Variants in ARFGEF2 observed in about 807,000 individuals in gnomAD.
ARFGEF2 encodes the protein ARF guanine nucleotide exchange factor 2, also known as brefeldin A-inhibited guanine nucleotide-exchange protein 2.
In ARFGEF2, 74 loss-of-function variants were observed where a neutral mutation model predicts 219.9. The ratio of observed to expected loss-of-function variants is 0.34; its 90% CI spans 0.28 to 0.41. ARFGEF2 has a LOEUF of 0.41. ARFGEF2 is among the 10% of genes least tolerant of loss of function. The pLI, the probability that ARFGEF2 is intolerant of heterozygous loss-of-function variation, is 1.00. For synonymous variants in ARFGEF2, 733 were observed against 799.2 expected (o/e 0.92, Z 1.40); for missense variants, 1,743 against 2,218.3 (o/e 0.79, Z 4.30).
intron 27 of ARFGEF2, 120 bp from the exon 28 acceptor site, chr20:49,011,795 TTTTCTTAGA>T: frequency 3.5e-6 from 4 of 1,142,518 alleles, no homozygotes; most frequent in Non-Finnish European, 5.3e-6. Flanking sequence ...ACTGACATGC[TTTTCTTAGA>T]TTTTCACAGT....
At chr20:49,032,226 T>TTG in intron 38 of ARFGEF2, 60 bp downstream of exon 38, 8 of 1,214,266 alleles carry the variant, frequency 6.6e-6, no homozygotes, top group Non-Finnish European at 9.8e-6. Context: ...GTTGGCTTTT[T>TTG]ACTCAAGAGT....
chr20:48,941,140 GT>G lies in ARFGEF2; in HGVS notation c.122-55del, dbSNP rs1439672303. On this transcript the variant is annotated intron_variant, in intron 1 of 38. Transcript: ENST00000371917. The stretch of plus-strand genomic sequence containing the variant: ...TGGTCTCCAAATATCTTTTAGTAAA[GT>G]TTTCCTTTACATAAATGTTGCATTT... 3.3e-6 allele frequency: 5 copies of G among 1,515,738 alleles called. No homozygotes were observed. The East Asian group carries it at 6.9e-5, about 21-fold the overall frequency. The allele number at this position is 1,515,738 out of a possible 1,614,324, so 93.9% of individuals were successfully genotyped here. A position where few individuals can be genotyped will look rare whatever the true frequency, so the allele number is the denominator to read the frequency against.
At chr20:48,957,478 T>C (rs532439982) in intron 6 of ARFGEF2, among the ~76,000 whole-genome samples, 9 of 152,206 alleles carry the variant, frequency 5.9e-5, no homozygotes, top group Non-Finnish European at 1.3e-4. Context: ...GGGCAGAGTC[T>C]GAAACAGATA....
At chr20:49,025,265 C>T (rs756866672) in intron 35 of ARFGEF2, 48 bp from the exon 36 acceptor site, 41 of 1,572,246 alleles carry the variant, frequency 2.6e-5, no homozygotes, top group Non-Finnish European at 3.3e-5. Context: ...ATGCCCAGAG[C>T]ATTCCATCTT....
chr20:48,988,291 T>C lies in ARFGEF2; in HGVS notation c.2277-13T>C. 1 of 1,610,114 alleles carries C rather than the reference T, an allele frequency of 6.2e-7. No homozygotes were observed. The highest frequency in any genetic ancestry group is 8.5e-7 in the Non-Finnish European group (1 of 1,177,342). On this transcript the variant is annotated splice_polypyrimidine_tract_variant and intron_variant, in intron 16 of 38. Transcript: ENST00000371917. ...TCACCATGAATATTGATGTCTCGAATTTTTTTCTCCAGGCAAACTCTGTTT... is the reference window on the plus strand; with the variant it reads ...TCACCATGAATATTGATGTCTCGAACTTTTTTCTCCAGGCAAACTCTGTTT...
intron 37 of ARFGEF2, among the ~76,000 whole-genome samples, chr20:49,030,121 G>A (rs1415598891): frequency 6.6e-6 from 1 of 151,196 alleles, no homozygotes; most frequent in Non-Finnish European, 1.5e-5. Flanking sequence ...TATTGGCCAG[G>A]ATGGTCTTGA....
rs1038252318 is a variant in ARFGEF2, at chr20:48,971,207, G to A, written c.1278G>A (p.Glu426=). The change falls in exon 10 of 39, where the codon GAG becomes GAA. Residue 426 remains glutamate, a synonymous_variant. Transcript: ENST00000371917. ...CTGGCCCCGTATTCAGGACTCACGA[G>A]ATGTTCATCAATGCAATCAAGCAAT... ...QNAGPVFRTH[E]MFINAIKQYL... 4.3e-6 allele frequency: 7 copies of A among 1,614,140 alleles called. No individual in the cohort carries two copies. Among genetic ancestry groups the A allele is most frequent in the Non-Finnish European group, 1.7e-6 (2 of 1,180,028 alleles).
intron 1 of ARFGEF2, among the ~76,000 whole-genome samples, chr20:48,932,573 G>T (rs1350672824): frequency 2.0e-5 from 3 of 152,174 alleles, no homozygotes; most frequent in Non-Finnish European, 2.9e-5. Context: ...AAGACTAAAG[G>T]TCAGAGAGAG....
At chr20:48,971,898 C>A (rs552391187) in intron 10 of ARFGEF2, among the ~76,000 whole-genome samples, 3 of 151,176 alleles carry the variant, frequency 2.0e-5, no homozygotes, top group African/African-American at 7.3e-5. Context: ...GAGACTCCAT[C>A]TCAAAAAAAA....
intron 1 of ARFGEF2, among the ~76,000 whole-genome samples, chr20:48,930,737 A>G (rs906501695): frequency 1.3e-5 from 2 of 152,148 alleles, no homozygotes; most frequent in Non-Finnish European, 2.9e-5. Flanking sequence ...CCTGATGTTC[A>G]TAAGAGAGGT....
chr20:49,024,252 C>T (rs2091587109), intron 35 of ARFGEF2, among the ~76,000 whole-genome samples: 1 of 152,196 alleles, frequency 6.6e-6, no homozygotes, highest in South Asian at 2.1e-4. Flanking sequence ...GGATTGCAGG[C>T]GTGCACCACC....
chr20:48,984,848 T>G lies in ARFGEF2; in HGVS notation c.2070+8T>G. On this transcript the variant is annotated splice_region_variant and intron_variant, in intron 15 of 38. Transcript: ENST00000371917. ...GAGGAGCGCCTGGATTCCGTAAGGCTTGGGGGTGTAGCACTTGCATGTGAG... is the reference window on the plus strand; with the variant it reads ...GAGGAGCGCCTGGATTCCGTAAGGCGTGGGGGTGTAGCACTTGCATGTGAG... The G allele has an allele frequency of 6.2e-7, 1 of 1,612,322 alleles. No homozygotes were observed. The highest frequency in any genetic ancestry group is 8.5e-7 in the Non-Finnish European group (1 of 1,180,000).
At chr20:48,962,994 A>C (rs888660642) in intron 6 of ARFGEF2, among the ~76,000 whole-genome samples, 5 of 151,880 alleles carry the variant, frequency 3.3e-5, no homozygotes. Context: ...GATCACTTGA[A>C]CTCAGGAGTT....
At chr20:48,922,128 C>G in intron 1 of ARFGEF2, 118 bp downstream of exon 1, 1 of 1,435,622 alleles carries the variant, frequency 7.0e-7, no homozygotes, top group South Asian at 1.3e-5. Context: ...CCGAATTCCA[C>G]CCTTCCGGCC....
intron 5 of ARFGEF2, 141 bp from the exon 6 acceptor site, chr20:48,953,415 T>G: frequency 1.3e-6 from 1 of 786,146 alleles, no homozygotes; most frequent in Non-Finnish European, 2.2e-6. Flanking sequence ...GGTTCAAGAA[T>G]TCCTGCTGCC....
chr20:48,965,943 A>T lies in ARFGEF2; in HGVS notation c.979A>T (p.Ile327Phe). The change falls in exon 8 of 39, where the codon ATT (isoleucine) becomes TTT (phenylalanine). Residue 327 changes from isoleucine to phenylalanine, a missense_variant. Ile to Phe is a conservative substitution (Grantham distance 21). Around this residue, in one of 5 missense-constraint regions of ARFGEF2, gnomAD observed 394 missense variants for 426.6 expected, o/e 0.92. Transcript: ENST00000371917. The part of the protein sequence containing the change: ...LGELECQECA[I>F]PPGVDENSQT... ...TGAACTGGAGTGCCAGGAATGTGCT[A>T]TTCCCCCAGGAGTTGATGAAAACTC... The T allele has an allele frequency of 1.9e-6, 3 of 1,614,226 alleles. No individual in the cohort carries two copies. The highest frequency in any genetic ancestry group is 2.5e-6 in the Non-Finnish European group (3 of 1,180,020).
At chr20:48,996,620 A>G in intron 23 of ARFGEF2, among the ~76,000 whole-genome samples, 1 of 150,902 alleles carries the variant, frequency 6.6e-6, no homozygotes. Flanking sequence ...GACGCATGCC[A>G]GTAATCCCAG....
intron 14 of ARFGEF2, among the ~76,000 whole-genome samples, chr20:48,977,607 T>C (rs2123433179): frequency 6.6e-6 from 1 of 152,346 alleles, no homozygotes; most frequent in African/African-American, 2.4e-5. Context: ...TGTAAAAGCG[T>C]TCCTATTTCT....
intron 14 of ARFGEF2, among the ~76,000 whole-genome samples, chr20:48,982,970 G>A (rs1265307449): frequency 1.3e-5 from 2 of 152,078 alleles, no homozygotes; most frequent in African/African-American, 2.4e-5. Flanking sequence ...GCGATGCCCC[G>A]CCCTGCTTCA....
Sources: gnomAD v4.1 joint callset for allele counts (sites outside exome capture counted in the v4.1 genomes callset) on GRCh38, gnomAD v4.1.1 for gene constraint, gnomAD v4.1.1 regional missense constraint, MANE v1.5 for transcripts, NCBI Gene and HGNC (gene_info 2026-07-23, HGNC 2026-07-21) for gene names.